The following TG variants were observed in gnomAD, a reference collection of about 807,000 sequenced individuals.
The protein encoded by TG is thyroglobulin, also known as thyroid hormones.
Under a neutral mutation model 324.7 loss-of-function variants are expected in TG, and 270 were observed. That is an observed-to-expected ratio of 0.83 (90% confidence interval 0.75 to 0.92). TG has a LOEUF of 0.92. Ranked by LOEUF, TG falls within the 40% of genes least tolerant of loss-of-function variation. The pLI is 0.00. For missense variants in TG, 3,591 were observed against 3,456.4 expected, an observed-to-expected ratio of 1.04 and a Z score of -0.98; for synonymous variants, 1,401 against 1,327.0, an observed-to-expected ratio of 1.06 and a Z score of -1.21.
chr8:133,011,238 C>T (rs545222452), intron 35 of TG, among the ~76,000 whole-genome samples: 16 of 152,240 alleles, frequency 1.1e-4, no homozygotes, highest in African/African-American at 3.1e-4. Flanking sequence ...GCTGGGGGTA[C>T]GAACCTTTAT....
At chr8:132,883,034 C>G in intron 8 of TG, 35 bp downstream of exon 8, 1 of 1,605,278 alleles carries the variant, frequency 6.2e-7, no homozygotes, top group Non-Finnish European at 8.5e-7. Flanking sequence ...CTTTCGGCCT[C>G]GGATCATATT....
intron 45 of TG, among the ~76,000 whole-genome samples, chr8:133,127,796 C>A (rs867554687): frequency 1.3e-5 from 2 of 152,146 alleles, no homozygotes; most frequent in Non-Finnish European, 2.9e-5. Context: ...CACCAGCCCC[C>A]ACCTGCCCTG....
chr8:132,928,388 A>G (rs925636375), intron 22 of TG, among the ~76,000 whole-genome samples: 1 of 152,166 alleles, frequency 6.6e-6, no homozygotes, highest in African/African-American at 2.4e-5. Flanking sequence ...TGTGGCTTGG[A>G]AGGTGAATCT....
At chr8:132,937,655 A>C (rs60040635) in intron 25 of TG, among the ~76,000 whole-genome samples, 9,817 of 152,292 alleles carry the variant, frequency 0.064, 413 homozygotes, top group Non-Finnish European at 0.09. Flanking sequence ...TTCTAAAAAT[A>C]AAAATCAAAA....
At chr8:133,132,408 C>G (rs1588155018) in intron 46 of TG, among the ~76,000 whole-genome samples, 1 of 152,212 alleles carries the variant, frequency 6.6e-6, no homozygotes. Flanking sequence ...AGGGGAATAC[C>G]AGTGCCTTGG....
intron 41 of TG, among the ~76,000 whole-genome samples, chr8:133,079,633 C>T (rs1262225493): frequency 6.6e-6 from 1 of 152,192 alleles, no homozygotes; most frequent in African/African-American, 2.4e-5. Flanking sequence ...GTCAGAGTCA[C>T]AGCTTGGTCC....
chr8:132,941,557 G>A lies in TG; in HGVS notation c.5233+15G>A. On this transcript the variant is annotated intron_variant, in intron 26 of 47. Coordinates refer to ENST00000220616, the MANE Select transcript of TG (RefSeq NM_003235.5). Reference sequence around the variant, plus strand: ...GGTTCAAGGAGGTAATGTTGGCAGTGAGGGCCAGGGCCTAACAAGGGATGG... The same window carrying A: ...GGTTCAAGGAGGTAATGTTGGCAGTAAGGGCCAGGGCCTAACAAGGGATGG... 1 of 1,614,154 alleles carries A rather than the reference G, an allele frequency of 6.2e-7. No individual in the cohort carries two copies. The highest frequency in any genetic ancestry group is 1.1e-5 in the South Asian group (1 of 91,074).
In TG at chr8:133,025,560, A is replaced by AT. The variant is rs2130962417; in HGVS notation, c.7036+3411dup. ...CACATGTGTTACCCTTGATGAGCCG[A>AT]TGGTGGTGCATTATGATTTACTGAA... On this transcript the variant is annotated intron_variant, in intron 40 of 47. Coordinates refer to ENST00000220616, the MANE Select transcript of TG (RefSeq NM_003235.5). 3.3e-5 allele frequency among the ~76,000 whole-genome samples: 5 copies of AT among 152,182 alleles called. 1 individual carries two copies. In the South Asian group the frequency reaches 1.0e-3, roughly 32 times the overall value.
Position 132,898,390 on chromosome 8 carries a change from T to A in TG, c.3217+144T>A, listed in dbSNP as rs1587308907. 5 of 814,066 alleles carry A rather than the reference T, an allele frequency of 6.1e-6. No homozygotes were observed. In the East Asian group the frequency reaches 1.3e-4, roughly 22 times the overall value. 50.4% of individuals were successfully genotyped at this position (814,066 alleles called of 1,614,324 possible). On this transcript the variant is annotated intron_variant, in intron 13 of 47. Coordinates refer to ENST00000220616, the MANE Select transcript of TG (RefSeq NM_003235.5). ...GGTGCAGCCAGACGCATTTCCCAAG[T>A]CCCCAGGCCTGCAAGCTTGCGCTGA...
chr8:133,125,731 T>G (rs1330391644), intron 45 of TG, among the ~76,000 whole-genome samples: 1 of 151,962 alleles, frequency 6.6e-6, no homozygotes, highest in Non-Finnish European at 1.5e-5. Context: ...TGAGGCTGAG[T>G]GCGCGCTAGG....
rs1365948913 is a variant in TG at position 133,116,650 on chromosome 8, C to T, written c.7796C>T (p.Ala2599Val). Reference sequence around the variant, plus strand: ...TGCCCTATAATCGACATGGCCAGTGCCTGGGCAAAGAGGGCCCGAGGAAAC... The same window carrying T: ...TGCCCTATAATCGACATGGCCAGTGTCTGGGCAAAGAGGGCCCGAGGAAAC... ...IICPIIDMAS[A>V]WAKRARGNVF... Residue 2599 changes from alanine (A) to valine (V), a missense_variant, in exon 45 of 48, where the codon GCC becomes GTC. By Grantham distance (64) the Ala-to-Val change is moderately conservative. Transcript: ENST00000220616. The T allele has an allele frequency of 3.1e-6, 5 of 1,614,234 alleles. No individual in the cohort carries two copies. The Admixed American group carries it at 6.7e-5, about 22-fold the overall frequency.
intron 36 of TG, 60 bp from the exon 37 acceptor site, chr8:133,013,540 T>G: frequency 6.2e-7 from 1 of 1,602,636 alleles, no homozygotes. Context: ...ACTGGAAGAA[T>G]GCATGAGTGA....
intron 35 of TG, among the ~76,000 whole-genome samples, chr8:133,011,096 G>A (rs1343948593): frequency 6.6e-6 from 1 of 152,176 alleles, no homozygotes; most frequent in Non-Finnish European, 1.5e-5. Context: ...AGCATGCTTG[G>A]GATATAGAAG....
At chr8:133,038,129 A>G (rs916267237) in intron 41 of TG, 1 of 194,248 alleles carries the variant, frequency 5.1e-6, no homozygotes, top group Non-Finnish European at 1.1e-5. Context: ...AGGCTTGCCC[A>G]TACAGAAGTT....
chr8:132,892,542 G>A (rs953554390), intron 10 of TG, among the ~76,000 whole-genome samples: 2 of 152,236 alleles, frequency 1.3e-5, no homozygotes, highest in Non-Finnish European at 2.9e-5. Context: ...CACAAATGGT[G>A]ACTGAATGGG....
At chr8:132,971,526 G>A (rs927296445) in intron 32 of TG, among the ~76,000 whole-genome samples, 2 of 152,164 alleles carry the variant, frequency 1.3e-5, no homozygotes, top group East Asian at 3.9e-4. Flanking sequence ...GCACATAATA[G>A]GCACAGAATA....
intron 43 of TG, among the ~76,000 whole-genome samples, chr8:133,109,673 A>G (rs1274156369): frequency 2.0e-5 from 3 of 152,000 alleles, no homozygotes; most frequent in Non-Finnish European, 4.4e-5. Flanking sequence ...CCCCCTCAGG[A>G]TGGTTATGGG....
At chr8:133,108,316 T>G (rs1211441848) in intron 43 of TG, among the ~76,000 whole-genome samples, 1 of 152,038 alleles carries the variant, frequency 6.6e-6, no homozygotes, top group African/African-American at 2.4e-5. Flanking sequence ...AGCAGGGGTT[T>G]GGAAAAAGGG....
chr8:132,921,473 T>C (rs992302748), intron 21 of TG, among the ~76,000 whole-genome samples: 6 of 152,252 alleles, frequency 3.9e-5, no homozygotes, highest in Non-Finnish European at 7.3e-5. Flanking sequence ...GAAACTTCTC[T>C]ATGACTCATT....
Sources: allele counts gnomAD v4.1 joint callset (sites outside exome capture counted in the v4.1 genomes callset), GRCh38; gene constraint gnomAD v4.1.1; transcripts MANE v1.5; gene names NCBI Gene and HGNC (gene_info 2026-07-23, HGNC 2026-07-21).